The following STK10 variants were observed in gnomAD, a reference collection of about 807,000 sequenced individuals.
The protein encoded by STK10 is serine/threonine kinase 10.
STK10 carries 78 observed loss-of-function variants against 113.8 expected under a neutral mutation model. That is an observed-to-expected ratio of 0.69 (90% CI 0.57 to 0.83). STK10 has a LOEUF of 0.83. STK10 is among the 40% of genes least tolerant of loss of function. The probability of loss-of-function intolerance (pLI) is 0.00; values close to 1 mark genes in which losing one functional copy is unlikely to be tolerated. For missense variants in STK10, 1,109 were observed against 1,280.1 expected (o/e 0.87, Z 2.04); for synonymous variants, 465 against 494.7 (o/e 0.94, Z 0.80).
chr5:172,107,282 GCAAA>G (rs1204271839), intron 5 of STK10, among the ~76,000 whole-genome samples: 2 of 152,274 alleles, frequency 1.3e-5, no homozygotes, highest in Admixed American at 6.5e-5. Context: ...TGGAAACACG[GCAAA>G]CAGAGAGTAG....
intron 7 of STK10, among the ~76,000 whole-genome samples, chr5:172,101,078 G>C (rs60204115): frequency 0.23 from 34,638 of 152,184 alleles, 4,030 homozygotes; most frequent in African/African-American, 0.25. Flanking sequence ...ATCTACTTCA[G>C]AGCGTTGGTA....
chr5:172,049,702 A>G (rs1481793509), intron 18 of STK10, among the ~76,000 whole-genome samples: 2 of 152,234 alleles, frequency 1.3e-5, no homozygotes, highest in African/African-American at 4.8e-5. Flanking sequence ...ATGGTACAAA[A>G]GCAATGATGG....
chr5:172,119,910 C>G (rs1488599693), intron 3 of STK10, among the ~76,000 whole-genome samples: 1 of 151,308 alleles, frequency 6.6e-6, no homozygotes, highest in African/African-American at 2.4e-5. Context: ...TTCCCTCTAG[C>G]ACAGCAAAGA....
At chr5:172,158,464 T>C (rs901542142) in intron 1 of STK10, among the ~76,000 whole-genome samples, 1 of 151,896 alleles carries the variant, frequency 6.6e-6, no homozygotes, top group Admixed American at 6.6e-5. Context: ...CCCATCTCAC[T>C]AAAAACACAA....
At position 172,050,712 on chromosome 5, in the gene STK10, A is replaced by AT. The variant is rs760815504; in HGVS notation, c.2766+2216dup. Reference sequence around the variant, plus strand: ...CCAGCCTGAACTTGACAGCTTCTCAATTTTTTTTTTTTTTCTTTTTGCGAG... The same window carrying AT: ...CCAGCCTGAACTTGACAGCTTCTCAATTTTTTTTTTTTTTTCTTTTTGCGAG... On this transcript the variant is annotated intron_variant, in intron 18 of 18. Coordinates refer to ENST00000176763, the MANE Select transcript of STK10 (RefSeq NM_005990.4). Among the ~76,000 whole-genome samples the AT allele has an allele frequency of 2.7e-3, 392 of 145,940 alleles. 1 individual carries two copies. Among genetic ancestry groups the AT allele is most frequent in the South Asian group, 3.7e-3 (17 of 4,574 alleles).
chr5:172,105,581 C>T lies in STK10; in HGVS notation c.870+75G>A, dbSNP rs564074284. On this transcript the variant is annotated intron_variant, in intron 7 of 18. Coordinates refer to ENST00000176763, the MANE Select transcript of STK10 (RefSeq NM_005990.4). ...GTTCCCTGGGCGGGGTGAGAACATG[C>T]CCAGCGTCCAGGTCACTGGTGAGTT... 1.1e-5 allele frequency: 17 copies of T among 1,485,668 alleles called. No homozygotes were observed. The East Asian group carries it at 3.4e-4, about 30-fold the overall frequency. The allele number at this position is 1,485,668 out of a possible 1,614,324, so 92.0% of individuals were successfully genotyped here.
intron 1 of STK10, among the ~76,000 whole-genome samples, chr5:172,166,289 G>C (rs1325498025): frequency 6.6e-6 from 1 of 152,202 alleles, no homozygotes; most frequent in Non-Finnish European, 1.5e-5. Flanking sequence ...GGAACACCTG[G>C]AGACAGCTGT....
chr5:172,054,906 G>A (rs1767711932), intron 16 of STK10, among the ~76,000 whole-genome samples: 1 of 152,190 alleles, frequency 6.6e-6, no homozygotes, highest in Non-Finnish European at 1.5e-5. Flanking sequence ...AGGCTGGTGG[G>A]GACATGACAC....
Position 172,122,637 on chromosome 5 carries a change from G to GTTTT in STK10, c.370+4732_370+4735dup, listed in dbSNP as rs1484987030. ...GATGTTTGTTTATTTGTTTTGTTTT[G>GTTTT]TTTTGAGATGGAGTCTCGCTCTGTC... On this transcript the variant is annotated intron_variant, in intron 3 of 18. Coordinates refer to ENST00000176763, the MANE Select transcript of STK10 (RefSeq NM_005990.4). 2.0e-5 allele frequency among the ~76,000 whole-genome samples: 3 copies of GTTTT among 152,152 alleles called. No homozygotes were observed. In the East Asian group the frequency reaches 5.8e-4, roughly 29 times the overall value.
intron 4 of STK10, among the ~76,000 whole-genome samples, chr5:172,112,705 C>A (rs1769265028): frequency 6.6e-6 from 1 of 151,664 alleles, no homozygotes. Flanking sequence ...AGGTGTGAGC[C>A]ACTGCACCCG....
intron 14 of STK10, among the ~76,000 whole-genome samples, chr5:172,058,995 A>G (rs569825057): frequency 6.6e-5 from 10 of 152,196 alleles, no homozygotes; most frequent in African/African-American, 2.4e-4. Context: ...AGGCCGACGC[A>G]GGCAGATCAC....
At chr5:172,063,624 C>G (rs891376765) in intron 13 of STK10, 2 of 152,226 alleles carry the variant, frequency 1.3e-5, no homozygotes, top group African/African-American at 2.4e-5. Context: ...GTGCCCCGCC[C>G]TCACCAGTCC....
At chr5:172,052,826 A>T in intron 18 of STK10, 103 bp downstream of exon 18, 1 of 1,085,666 alleles carries the variant, frequency 9.2e-7, no homozygotes, top group Non-Finnish European at 1.4e-6. Context: ...GCCACAAAGC[A>T]AGAGTCCACC....
chr5:172,068,850 A>G (rs991497968), intron 12 of STK10, among the ~76,000 whole-genome samples: 4 of 151,338 alleles, frequency 2.6e-5, no homozygotes, highest in African/African-American at 9.7e-5. Flanking sequence ...ATACCATTGC[A>G]CTTCAGCCTG....
intron 12 of STK10, among the ~76,000 whole-genome samples, chr5:172,076,869 T>A (rs1439003202): frequency 6.6e-6 from 1 of 152,068 alleles, no homozygotes; most frequent in African/African-American, 2.4e-5. Flanking sequence ...GTTGCAAGCA[T>A]GATTTCTTGA....
At chr5:172,088,281 T>C (rs1768616110) in intron 10 of STK10, among the ~76,000 whole-genome samples, 1 of 152,026 alleles carries the variant, frequency 6.6e-6, no homozygotes, top group Non-Finnish European at 1.5e-5. Context: ...ATTCCAGCAC[T>C]TTGGGAGGCC....
Position 172,188,056 on chromosome 5 carries a change from G to C in STK10, c.-14C>G. On this transcript the variant is annotated 5_prime_UTR_variant, in exon 1 of 19. Transcript: ENST00000176763. The surrounding 1 kb of genome is among the most constrained non-coding windows in gnomAD (Gnocchi z 5.6). ...GGCAAAAGCCATGGCCGGGGGCGCG[G>C]TGGCGCCGGCTCGGGCTCGGGCTCG... The C allele has an allele frequency of 6.2e-7, 1 of 1,609,598 alleles. No individual in the cohort carries two copies. The highest frequency in any genetic ancestry group is 1.7e-5 in the Admixed American group (1 of 59,672).
intron 9 of STK10, among the ~76,000 whole-genome samples, chr5:172,091,139 G>A (rs1004084462): frequency 6.6e-6 from 1 of 152,048 alleles, no homozygotes; most frequent in Non-Finnish European, 1.5e-5. Context: ...ACACAGAGCA[G>A]TGCCCACTCC....
At chr5:172,085,441 C>A (rs1768531051) in intron 10 of STK10, among the ~76,000 whole-genome samples, 1 of 151,902 alleles carries the variant, frequency 6.6e-6, no homozygotes, top group Non-Finnish European at 1.5e-5. Context: ...GTAATCCCAG[C>A]ACTTTGGGGG....
Sources: allele counts gnomAD v4.1 joint callset (sites outside exome capture counted in the v4.1 genomes callset), GRCh38; gene constraint gnomAD v4.1.1; non-coding constraint Gnocchi (gnomAD v3.1); transcripts MANE v1.5; gene names NCBI Gene and HGNC (gene_info 2026-07-23, HGNC 2026-07-21).